The following GALK2 variants were observed in gnomAD, a reference collection of about 807,000 sequenced individuals.
GALK2 encodes galactokinase 2, also known as N-acetylgalactosamine kinase.
In GALK2, 36 loss-of-function variants were observed where a neutral mutation model predicts 52.4. The observed-to-expected ratio is 0.69, with a 90% CI of 0.53 to 0.91. The LOEUF is 0.91. GALK2 is among the 40% of genes least tolerant of loss of function. GALK2 has a pLI of 0.00. For synonymous variants in GALK2, 176 were observed against 199.1 expected (o/e 0.88, Z 0.98); for missense variants, 579 against 559.1 (o/e 1.04, Z -0.36).
upstream of GALK2, among the ~76,000 whole-genome samples, chr15:49,167,633 A>G (rs1233042438): frequency 2.0e-5 from 3 of 152,246 alleles, no homozygotes; most frequent in Non-Finnish European, 2.9e-5. Flanking sequence ...TGCTGGGATT[A>G]TAGGCATGAG....
At chr15:49,243,133 G>A (rs1179458547) in intron 5 of GALK2, among the ~76,000 whole-genome samples, 1 of 152,126 alleles carries the variant, frequency 6.6e-6, no homozygotes, top group African/African-American at 2.4e-5. Flanking sequence ...TATGGTGGGT[G>A]GGGATTTATC....
chr15:49,341,947 C>T (rs927195231), intron 3 of GALK2, among the ~76,000 whole-genome samples: 6 of 151,888 alleles, frequency 4.0e-5, no homozygotes, highest in African/African-American at 1.2e-4. Context: ...GCTTTATGGC[C>T]GAGCATGTGG....
At chr15:49,198,229 C>T (rs780996905) in intron 1 of GALK2, among the ~76,000 whole-genome samples, 14 of 152,160 alleles carry the variant, frequency 9.2e-5, no homozygotes, top group Non-Finnish European at 1.6e-4. Flanking sequence ...GGCTGGAGTG[C>T]AATGGCGCGG....
intron 3 of GALK2, among the ~76,000 whole-genome samples, chr15:49,222,053 A>G (rs1566951408): frequency 6.6e-6 from 1 of 152,072 alleles, no homozygotes; most frequent in Non-Finnish European, 1.5e-5. Flanking sequence ...ATGTCTTTTC[A>G]TTTGTTTGTG....
chr15:49,319,751 G>A lies in GALK2; in HGVS notation c.1115G>A (p.Arg372Gln), dbSNP rs768448154. 1.5e-5 allele frequency: 24 copies of A among 1,613,988 alleles called. No individual in the cohort carries two copies. Among genetic ancestry groups the A allele is most frequent in the African/African-American group, 2.7e-5 (2 of 74,928 alleles). Residue 372 changes from arginine (R) to glutamine (Q), a missense_variant, in exon 9 of 10, where the codon CGG becomes CAG. Arg to Gln is a conservative substitution (Grantham distance 43). Coordinates refer to ENST00000560031, the MANE Select transcript of GALK2 (RefSeq NM_002044.4). The stretch of plus-strand genomic sequence containing the variant: ...ATGAACCAGAGCCACATGAGCTGCC[G>A]GGACATGTATGAGTGCAGCTGCCCC... ...ELMNQSHMSC[R>Q]DMYECSCPEL... is the part of the protein sequence containing the mutation.
intron 3 of GALK2, among the ~76,000 whole-genome samples, chr15:49,342,273 A>G (rs1370230463): frequency 6.6e-6 from 1 of 152,190 alleles, no homozygotes; most frequent in Non-Finnish European, 1.5e-5. Flanking sequence ...ACTTTTTATC[A>G]TTATGTAATA....
chr15:49,283,804 C>A, intron 7 of GALK2, 86 bp downstream of exon 7: 3 of 1,423,018 alleles, frequency 2.1e-6, no homozygotes, highest in South Asian at 2.7e-5. Context: ...ATCTCTTTCC[C>A]CAAATTTTAG....
intron 1 of GALK2, among the ~76,000 whole-genome samples, chr15:49,182,749 A>G (rs59939387): frequency 0.025 from 3,813 of 152,184 alleles, 155 homozygotes; most frequent in African/African-American, 0.088. Flanking sequence ...CAGTGATGTT[A>G]ATCACTTTTT....
At chr15:49,210,943 C>T (rs2088809890) in intron 2 of GALK2, among the ~76,000 whole-genome samples, 1 of 141,010 alleles carries the variant, frequency 7.1e-6, no homozygotes, top group Non-Finnish European at 1.5e-5. Flanking sequence ...GACGGGGTTT[C>T]CCAATGTTGG....
At chr15:49,245,390 G>T (rs2091299089) in intron 5 of GALK2, among the ~76,000 whole-genome samples, 1 of 152,066 alleles carries the variant, frequency 6.6e-6, no homozygotes, top group Admixed American at 6.6e-5. Context: ...TAATCTTTTA[G>T]ATTATATGCA....
chr15:49,239,384 G>C lies in GALK2; in HGVS notation c.504+17G>C. The C allele has an allele frequency of 6.2e-7, 1 of 1,611,226 alleles. No homozygotes were observed. Among genetic ancestry groups the C allele is most frequent in the Non-Finnish European group, 8.5e-7 (1 of 1,178,070 alleles). Reference sequence around the variant, plus strand: ...CTATCCAAGGTAACTACCTTTGATAGGAAACCTCATAGAACCCTCTCCTAA... The same window carrying C: ...CTATCCAAGGTAACTACCTTTGATACGAAACCTCATAGAACCCTCTCCTAA... On this transcript the variant is annotated intron_variant, in intron 5 of 9. Coordinates refer to ENST00000560031, the MANE Select transcript of GALK2 (RefSeq NM_002044.4).
Position 49,247,949 on chromosome 15 carries a change from T to C in GALK2, c.504+8582T>C, listed in dbSNP as rs562459925. Among the ~76,000 whole-genome samples the C allele has an allele frequency of 8.7e-4, 133 of 152,282 alleles. 1 individual carries two copies. The highest frequency in any genetic ancestry group is 3.0e-3 in the African/African-American group (124 of 41,560). On this transcript the variant is annotated intron_variant, in intron 5 of 9. Transcript: ENST00000560031. ...GGTTGATACTCTTTTCAGGGGAGTG[T>C]TTTTGAAGTTTGAAACCTGTTCTGT...
At chr15:49,365,341 C>G in intron 3 of GALK2, 2 of 1,556,844 alleles carry the variant, frequency 1.3e-6, no homozygotes, top group East Asian at 4.5e-5. Flanking sequence ...ATGTAAGTAT[C>G]ATGCCAATAG....
At chr15:49,237,569 G>A (rs550730722) in intron 4 of GALK2, among the ~76,000 whole-genome samples, 27 of 151,672 alleles carry the variant, frequency 1.8e-4, no homozygotes, top group African/African-American at 6.3e-4. Flanking sequence ...CTCTGCCCCC[G>A]GGGTTCAAGC....
intron 3 of GALK2, among the ~76,000 whole-genome samples, chr15:49,229,514 G>A (rs751223267): frequency 2.6e-5 from 4 of 152,158 alleles, no homozygotes; most frequent in Admixed American, 6.5e-5. Flanking sequence ...GTAGTAGTAC[G>A]TTGGGTGGGC....
intron 3 of GALK2, among the ~76,000 whole-genome samples, chr15:49,366,912 A>G (rs1205254918): frequency 6.6e-6 from 1 of 152,202 alleles, no homozygotes; most frequent in African/African-American, 2.4e-5. Context: ...GAAAAGTTAT[A>G]CTGAAGATAG....
chr15:49,367,655 C>T (rs2045423940), exon 4 of GALK2: 1 of 1,489,744 alleles, frequency 6.7e-7, no homozygotes, highest in Non-Finnish European at 9.0e-7. Flanking sequence ...TTTTGTGTTT[C>T]TAAAAAACTG....
chr15:49,319,846 A>G (rs777630819), intron 9 of GALK2, 41 bp downstream of exon 9: 100 of 1,538,644 alleles, frequency 6.5e-5, no homozygotes, highest in Non-Finnish European at 8.7e-5. Context: ...CCATCAAATA[A>G]TATTGTTTAA....
intron 8 of GALK2, among the ~76,000 whole-genome samples, chr15:49,299,482 T>A (rs1401004054): frequency 6.6e-6 from 1 of 152,152 alleles, no homozygotes; most frequent in East Asian, 1.9e-4. Flanking sequence ...GATGTTTGGT[T>A]ATTAATTTGA....
Sources: gnomAD v4.1 joint callset for allele counts (sites outside exome capture counted in the v4.1 genomes callset) on GRCh38, gnomAD v4.1.1 for gene constraint, MANE v1.5 for transcripts, NCBI Gene and HGNC (gene_info 2026-07-23, HGNC 2026-07-21) for gene names.